The following ACVR1 variants were observed in gnomAD, a reference collection of about 807,000 sequenced individuals.
The protein encoded by ACVR1 is activin A receptor type 1, also known as activin receptor type-1.
ACVR1 carries 38 observed loss-of-function variants against 57.1 expected under a neutral mutation model. The observed-to-expected ratio is 0.67, with a 90% confidence interval of 0.51 to 0.87. ACVR1 has a LOEUF of 0.87. Among genes scored for constraint, ACVR1 ranks in the 40% least tolerant of loss-of-function variants. The pLI, the probability that ACVR1 is intolerant of heterozygous loss-of-function variation, is 0.00. For synonymous variants in ACVR1, 212 were observed against 228.1 expected, an observed-to-expected ratio of 0.93 and a Z score of 0.63; for missense variants, 463 against 638.2, an observed-to-expected ratio of 0.73 and a Z score of 2.96.
chr2:157,856,233 T>C (rs1339507381), intron 1 of ACVR1, among the ~76,000 whole-genome samples: 2 of 152,174 alleles, frequency 1.3e-5, no homozygotes, highest in Non-Finnish European at 2.9e-5. Flanking sequence ...AGCTCTGCAT[T>C]ACTCCAATCT....
intron 7 of ACVR1, among the ~76,000 whole-genome samples, chr2:157,767,092 C>T (rs576385676): frequency 1.3e-5 from 2 of 151,990 alleles, no homozygotes; most frequent in African/African-American, 4.8e-5. Context: ...AGTGCAATGG[C>T]GCGATCTCGG....
At chr2:157,857,599 G>A (rs1030051283) in intron 1 of ACVR1, among the ~76,000 whole-genome samples, 21 of 152,170 alleles carry the variant, frequency 1.4e-4, no homozygotes, top group East Asian at 3.9e-4. Flanking sequence ...CCCTGCCTCC[G>A]TACAAGGTTA....
chr2:157,758,140 T>C (rs899246754), intron 9 of ACVR1, among the ~76,000 whole-genome samples: 1 of 151,980 alleles, frequency 6.6e-6, no homozygotes, highest in African/African-American at 2.4e-5. Flanking sequence ...TAAAAAAAGA[T>C]ATTCCATGCA....
intron 3 of ACVR1, among the ~76,000 whole-genome samples, chr2:157,782,976 G>A (rs1222524680): frequency 1.3e-5 from 2 of 152,084 alleles, no homozygotes; most frequent in African/African-American, 4.8e-5. Flanking sequence ...GTAGGAGAGA[G>A]CTGTTCATGG....
In ACVR1 at chr2:157,780,382, C is replaced by T. The variant is rs748419133; in HGVS notation, c.286G>A (p.Gly96Arg). The change falls in exon 4 of 11, where the codon GGG becomes AGG. Residue 96 changes from glycine to arginine, a missense_variant. Physicochemically the swap from Gly to Arg is moderately radical, Grantham distance 125. Coordinates refer to ENST00000434821, the MANE Select transcript of ACVR1 (RefSeq NM_001111067.4). ...GTGATGTTCCTGTTACACCAGTCCCCTTGGCAGCACTCCACGGCTTGGCCA... is the reference window on the plus strand; with the variant it reads ...GTGATGTTCCTGTTACACCAGTCCCTTTGGCAGCACTCCACGGCTTGGCCA... ...SPGQAVECCQGDWCNRNITAQ... is the reference protein window; with the variant it reads ...SPGQAVECCQRDWCNRNITAQ... 1.2e-6 allele frequency: 2 copies of T among 1,614,190 alleles called. No homozygotes were observed. Among genetic ancestry groups the T allele is most frequent in the Non-Finnish European group, 1.7e-6 (2 of 1,180,016 alleles).
Position 157,803,266 on chromosome 2 carries a change from C to A in ACVR1, c.-7-3766G>T, listed in dbSNP as rs186891448. Among the ~76,000 whole-genome samples the A allele has an allele frequency of 1.7e-3, 256 of 152,184 alleles. 2 individuals are homozygous for A. Among genetic ancestry groups the A allele is most frequent in the African/African-American group, 5.9e-3 (246 of 41,526 alleles). On this transcript the variant is annotated intron_variant, in intron 2 of 10. Transcript: ENST00000434821. Reference sequence around the variant, plus strand: ...ATAATTTAGGCTCATAAATAGAAGACAGAAAAAGAATTATAAATTCAGACC... The same window carrying A: ...ATAATTTAGGCTCATAAATAGAAGAAAGAAAAAGAATTATAAATTCAGACC...
chr2:157,785,913 G>A (rs1461825397), intron 3 of ACVR1, among the ~76,000 whole-genome samples: 1 of 152,102 alleles, frequency 6.6e-6, no homozygotes, highest in African/African-American at 2.4e-5. Context: ...TCAAAGTAGA[G>A]ACCAGTCATT....
intron 1 of ACVR1, among the ~76,000 whole-genome samples, chr2:157,847,943 A>G (rs1689173389): frequency 6.6e-6 from 1 of 152,178 alleles, no homozygotes; most frequent in Non-Finnish European, 1.5e-5. Context: ...ACCCCATTCT[A>G]TAAAATACCA....
intron 8 of ACVR1, 45 bp from the exon 9 acceptor site, chr2:157,761,122 C>T: frequency 6.3e-7 from 1 of 1,598,718 alleles, no homozygotes; most frequent in Non-Finnish European, 8.5e-7. Context: ...CTTCCTTTCT[C>T]ATAAGAGGCT....
At chr2:157,855,273 T>TAAA (rs1689473425) in intron 1 of ACVR1, among the ~76,000 whole-genome samples, 2 of 31,100 alleles carry the variant, frequency 6.4e-5, no homozygotes, top group Non-Finnish European at 1.1e-4. Context: ...AAAAAAAGTG[T>TAAA]GTGTGTGTGT....
chr2:157,848,233 C>A (rs1482434896), intron 1 of ACVR1, among the ~76,000 whole-genome samples: 4 of 152,278 alleles, frequency 2.6e-5, no homozygotes, highest in Admixed American at 2.0e-4. Flanking sequence ...GCTTGACCAA[C>A]AGAATATGGT....
At chr2:157,827,714 AGCACTAGT>A (rs1487766076) in intron 1 of ACVR1, among the ~76,000 whole-genome samples, 3 of 152,138 alleles carry the variant, frequency 2.0e-5, no homozygotes, top group African/African-American at 7.2e-5. Flanking sequence ...GGTGGTCTTG[AGCACTAGT>A]GTCTTTCAAC....
intron 3 of ACVR1, among the ~76,000 whole-genome samples, chr2:157,793,130 A>C (rs1254896491): frequency 6.6e-6 from 1 of 152,176 alleles, no homozygotes; most frequent in East Asian, 1.9e-4. Context: ...TTTTTCCATA[A>C]AGAGGAGATG....
intron 9 of ACVR1, among the ~76,000 whole-genome samples, chr2:157,743,941 T>C (rs1392511708): frequency 6.6e-6 from 1 of 152,126 alleles, no homozygotes; most frequent in African/African-American, 2.4e-5. Flanking sequence ...CATCCTTCCT[T>C]TCCTTCAAAA....
chr2:157,756,052 A>G (rs1021303596), intron 9 of ACVR1, among the ~76,000 whole-genome samples: 6 of 152,104 alleles, frequency 3.9e-5, no homozygotes, highest in Non-Finnish European at 8.8e-5. Flanking sequence ...GCAAAAAAAA[A>G]CATAAAGTGG....
chr2:157,823,044 A>C (rs779099189), intron 1 of ACVR1, among the ~76,000 whole-genome samples: 1 of 152,228 alleles, frequency 6.6e-6, no homozygotes. Flanking sequence ...CAAGGATGAC[A>C]CATCAATGGT....
intron 2 of ACVR1, among the ~76,000 whole-genome samples, chr2:157,814,540 T>C (rs1687864468): frequency 6.6e-6 from 1 of 152,224 alleles, no homozygotes; most frequent in African/African-American, 2.4e-5. Context: ...ATCTAAAATC[T>C]GTCAAGGTCT....
At chr2:157,855,352 T>A (rs1015107243) in intron 1 of ACVR1, among the ~76,000 whole-genome samples, 13 of 116,288 alleles carry the variant, frequency 1.1e-4, no homozygotes, top group Non-Finnish European at 1.6e-4. Context: ...ACACAAAAAT[T>A]AGCCGGACGT....
chr2:157,798,415 A>G (rs1314665918), intron 3 of ACVR1, among the ~76,000 whole-genome samples: 1 of 151,754 alleles, frequency 6.6e-6, no homozygotes, highest in Non-Finnish European at 1.5e-5. Flanking sequence ...ATTTTCGAAG[A>G]TGTTGAAGAT....
Sources: gnomAD v4.1 joint callset for allele counts (sites outside exome capture counted in the v4.1 genomes callset) on GRCh38, gnomAD v4.1.1 for gene constraint, MANE v1.5 for transcripts, NCBI Gene and HGNC (gene_info 2026-07-23, HGNC 2026-07-21) for gene names.